The following SLIT3 variants were observed in gnomAD, a reference collection of about 807,000 sequenced individuals.
SLIT3 encodes slit guidance ligand 3, also known as slit homolog 3 protein.
In SLIT3, 68 loss-of-function variants were observed where a neutral mutation model predicts 184.0. The observed-to-expected ratio is 0.37, with a 90% confidence interval of 0.30 to 0.45. SLIT3 has a LOEUF of 0.45. Ranked by LOEUF, SLIT3 falls within the 20% of genes least tolerant of loss-of-function variation. The probability of loss-of-function intolerance (pLI) is 1.00; values close to 1 mark genes in which losing one functional copy is unlikely to be tolerated. For missense variants in SLIT3, 1,707 were observed against 2,026.0 expected, an observed-to-expected ratio of 0.84 and a Z score of 3.02; for synonymous variants, 831 against 828.6, an observed-to-expected ratio of 1.00 and a Z score of -0.05.
chr5:169,007,677 C>T (rs977775798), intron 4 of SLIT3, among the ~76,000 whole-genome samples: 2 of 152,316 alleles, frequency 1.3e-5, no homozygotes, highest in Non-Finnish European at 2.9e-5. Flanking sequence ...TAACTATCTT[C>T]ACTTTCTCCA....
At chr5:168,755,408 T>TTCCTTCCTTCCTTCCTTC (rs1554138497) in intron 16 of SLIT3, among the ~76,000 whole-genome samples, 1 of 22,234 alleles carries the variant, frequency 4.5e-5, no homozygotes, top group South Asian at 1.6e-3. Flanking sequence ...TTTCTTTCTT[T>TTCCTTCCTTCCTTCCTTC]CTTTCTTTCT....
At chr5:168,805,360 G>C (rs923189797) in intron 9 of SLIT3, among the ~76,000 whole-genome samples, 1 of 152,064 alleles carries the variant, frequency 6.6e-6, no homozygotes, top group African/African-American at 2.4e-5. Flanking sequence ...AGAAGAAAGG[G>C]GGGAGATTAC....
intron 4 of SLIT3, among the ~76,000 whole-genome samples, chr5:168,944,153 T>C (rs1272097814): frequency 6.6e-6 from 1 of 152,182 alleles, no homozygotes; most frequent in Non-Finnish European, 1.5e-5. Context: ...GCCCGAGATT[T>C]TGTAATTATT....
chr5:168,705,943 T>G (rs1762360723), intron 26 of SLIT3, among the ~76,000 whole-genome samples: 1 of 152,186 alleles, frequency 6.6e-6, no homozygotes. Context: ...GAGAAGAAAA[T>G]AAATGCATAA....
At chr5:168,902,413 A>G (rs1272047997) in intron 4 of SLIT3, among the ~76,000 whole-genome samples, 1 of 152,252 alleles carries the variant, frequency 6.6e-6, no homozygotes, top group East Asian at 1.9e-4. Context: ...GTAAAGAAGT[A>G]CAAGATGTTT....
chr5:168,907,878 AGATATAT>A (rs1761106524), intron 4 of SLIT3, among the ~76,000 whole-genome samples: 2 of 143,898 alleles, frequency 1.4e-5, no homozygotes, highest in Admixed American at 7.1e-5. Context: ...AGATACATAT[AGATATAT>A]GATATATATC....
chr5:168,971,066 T>C (rs898205276), intron 4 of SLIT3, among the ~76,000 whole-genome samples: 1 of 152,226 alleles, frequency 6.6e-6, no homozygotes, highest in African/African-American at 2.4e-5. Context: ...TGGTGATTCA[T>C]AGTAAAGAAG....
At chr5:168,852,034 G>A (rs1416038559) in intron 5 of SLIT3, among the ~76,000 whole-genome samples, 1 of 152,192 alleles carries the variant, frequency 6.6e-6, no homozygotes, top group Non-Finnish European at 1.5e-5. Flanking sequence ...GAATTTCTTT[G>A]TAAGAAGTAT....
At chr5:169,261,766 C>A (rs777110458) in intron 1 of SLIT3, among the ~76,000 whole-genome samples, 4 of 152,164 alleles carry the variant, frequency 2.6e-5, no homozygotes, top group Non-Finnish European at 5.9e-5. Flanking sequence ...GTGGGCAGAA[C>A]CTAGAGACCT....
intron 3 of SLIT3, among the ~76,000 whole-genome samples, chr5:169,217,067 C>A (rs1276559754): frequency 6.7e-6 from 1 of 148,752 alleles, no homozygotes; most frequent in Non-Finnish European, 1.5e-5. Flanking sequence ...TTATTCCTCA[C>A]TAAAATAACA....
Position 168,741,632 on chromosome 5 carries a change from T to G in SLIT3, c.2270+6670A>C, listed in dbSNP as rs529886871. The stretch of plus-strand genomic sequence containing the variant: ...GGAGCTCTTGGTCTAGAAGGGGAAA[T>G]AAGTAAATAAGCAACTACAACACAA... On this transcript the variant is annotated intron_variant, in intron 20 of 35. Coordinates refer to ENST00000519560, the MANE Select transcript of SLIT3 (RefSeq NM_003062.4). Among the ~76,000 whole-genome samples, 13 of 151,708 alleles carry G rather than the reference T, an allele frequency of 8.6e-5. No individual in the cohort carries two copies. The South Asian group carries it at 2.7e-3, about 32-fold the overall frequency.
intron 31 of SLIT3, among the ~76,000 whole-genome samples, chr5:168,685,098 C>T (rs1761704934): frequency 6.6e-6 from 1 of 152,096 alleles, no homozygotes; most frequent in South Asian, 2.1e-4. Context: ...TACAGGCATG[C>T]ACCACCACGC....
rs560982529 is a variant in SLIT3, at chr5:168,783,958, C to T, written c.1151+1949G>A. ...TTGCCTTCGCGACCCATGCAAAGTCCTGTTGGTTCTATTAACCTCATGGCT... is the reference window on the plus strand; with the variant it reads ...TTGCCTTCGCGACCCATGCAAAGTCTTGTTGGTTCTATTAACCTCATGGCT... On this transcript the variant is annotated intron_variant, in intron 12 of 35. Coordinates refer to ENST00000519560, the MANE Select transcript of SLIT3 (RefSeq NM_003062.4). 5.3e-5 allele frequency among the ~76,000 whole-genome samples: 8 copies of T among 152,280 alleles called. 1 individual carries two copies. The highest frequency in any genetic ancestry group is 1.9e-4 in the African/African-American group (8 of 41,562).
At chr5:168,688,609 G>A (rs1047990879) in intron 29 of SLIT3, among the ~76,000 whole-genome samples, 4 of 152,212 alleles carry the variant, frequency 2.6e-5, no homozygotes, top group African/African-American at 9.6e-5. Context: ...ACTGGCCTAT[G>A]CTCAAAAATT....
At chr5:169,172,381 A>G (rs1343762531) in intron 4 of SLIT3, among the ~76,000 whole-genome samples, 8 of 152,218 alleles carry the variant, frequency 5.3e-5, no homozygotes. Context: ...ATAAAGCTCA[A>G]GTCCCACCAA....
chr5:169,034,175 A>AT (rs983965068), intron 4 of SLIT3, among the ~76,000 whole-genome samples: 11 of 151,968 alleles, frequency 7.2e-5, no homozygotes, highest in African/African-American at 2.4e-4. Context: ...GCTTGTAAAT[A>AT]TTTTTTTCCC....
chr5:169,188,358 T>G (rs1423393717), intron 4 of SLIT3, among the ~76,000 whole-genome samples: 1 of 152,198 alleles, frequency 6.6e-6, no homozygotes, highest in Non-Finnish European at 1.5e-5. Flanking sequence ...CCAGAAATCT[T>G]TCATTGTCTC....
chr5:168,670,047 G>A, intron 34 of SLIT3, 56 bp from the exon 35 acceptor site: 1 of 1,489,178 alleles, frequency 6.7e-7, no homozygotes, highest in South Asian at 1.2e-5. Flanking sequence ...TGCTGCTGGG[G>A]ACTCCCTCTG....
chr5:168,982,344 A>C (rs1203365641), intron 4 of SLIT3, among the ~76,000 whole-genome samples: 1 of 152,030 alleles, frequency 6.6e-6, no homozygotes, highest in African/African-American at 2.4e-5. Context: ...GAGCTAGCAC[A>C]CTCAGCTCTC....
Sources: gnomAD v4.1 joint callset for allele counts (sites outside exome capture counted in the v4.1 genomes callset) on GRCh38, gnomAD v4.1.1 for gene constraint, MANE v1.5 for transcripts, NCBI Gene and HGNC (gene_info 2026-07-23, HGNC 2026-07-21) for gene names.